PITPNC1: variants seen among roughly 807,000 people sequenced by gnomAD.
The protein encoded by PITPNC1 is cytoplasmic phosphatidylinositol transfer protein 1.
Under a neutral mutation model 44.7 loss-of-function variants are expected in PITPNC1, and 18 were observed. That is an observed-to-expected ratio of 0.40 (90% CI 0.28 to 0.60). PITPNC1 has a LOEUF of 0.60. Ranked by LOEUF, PITPNC1 falls within the 20% of genes least tolerant of loss-of-function variation. The probability of loss-of-function intolerance (pLI) is 0.39; values close to 1 mark genes in which losing one functional copy is unlikely to be tolerated. For synonymous variants in PITPNC1, 141 were observed against 149.6 expected, an observed-to-expected ratio of 0.94 and a Z score of 0.42; for missense variants, 290 against 418.4, an observed-to-expected ratio of 0.69 and a Z score of 2.68.
Position 67,506,320 on chromosome 17 carries a change from A to G in PITPNC1, c.49-26482A>G, listed in dbSNP as rs147635718. Among the ~76,000 whole-genome samples the G allele has an allele frequency of 9.1e-3, 1,385 of 152,338 alleles. 28 individuals carry two copies. Among genetic ancestry groups the G allele is most frequent in the South Asian group, 0.029 (141 of 4,826 alleles). On this transcript the variant is annotated intron_variant, in intron 1 of 8. Transcript: ENST00000581322. ...AGATGATACTAATGTTCCTGAATATACAATCTCCCTTTAGATTTAAGATAT... is the reference window on the plus strand; with the variant it reads ...AGATGATACTAATGTTCCTGAATATGCAATCTCCCTTTAGATTTAAGATAT...
chr17:67,644,592 G>A (rs925978534), intron 6 of PITPNC1, among the ~76,000 whole-genome samples: 4 of 151,910 alleles, frequency 2.6e-5, no homozygotes, highest in African/African-American at 7.3e-5. Flanking sequence ...ACGCCACCAC[G>A]CCCAGCTAAT....
intron 5 of PITPNC1, among the ~76,000 whole-genome samples, chr17:67,607,729 T>A (rs1366305358): frequency 6.7e-6 from 1 of 149,046 alleles, no homozygotes; most frequent in Non-Finnish European, 1.5e-5. Context: ...TTTTTTTTCT[T>A]TCTTTTTTTT....
intron 1 of PITPNC1, among the ~76,000 whole-genome samples, chr17:67,450,269 T>G (rs1281098220): frequency 6.6e-6 from 1 of 151,992 alleles, no homozygotes; most frequent in Admixed American, 6.6e-5. Flanking sequence ...TGCTATCAAT[T>G]AGAGACAGTT....
intron 1 of PITPNC1, among the ~76,000 whole-genome samples, chr17:67,468,805 T>C (rs957438598): frequency 4.6e-5 from 7 of 151,796 alleles, no homozygotes; most frequent in Non-Finnish European, 8.8e-5. Flanking sequence ...CAAGCGATTC[T>C]CCTGCCTCCA....
intron 6 of PITPNC1, among the ~76,000 whole-genome samples, chr17:67,657,902 G>A (rs185428352): frequency 6.6e-5 from 10 of 152,300 alleles, no homozygotes; most frequent in East Asian, 1.9e-4. Context: ...TTTTAATACC[G>A]TGAAGTCTTG....
At chr17:67,578,525 G>T (rs935266027) in intron 5 of PITPNC1, among the ~76,000 whole-genome samples, 5 of 152,354 alleles carry the variant, frequency 3.3e-5, no homozygotes, top group African/African-American at 1.2e-4. Flanking sequence ...TCATGGAGGT[G>T]GAGAGGATGA....
chr17:67,428,749 G>A (rs1240112877), intron 1 of PITPNC1, among the ~76,000 whole-genome samples: 1 of 150,908 alleles, frequency 6.6e-6, no homozygotes, highest in Non-Finnish European at 1.5e-5. Flanking sequence ...CAGTAAGTAC[G>A]TTATACATCC....
intron 1 of PITPNC1, among the ~76,000 whole-genome samples, chr17:67,465,060 C>T (rs2143984390): frequency 6.6e-6 from 1 of 152,312 alleles, no homozygotes; most frequent in South Asian, 2.1e-4. Context: ...TTTTAATTGA[C>T]TGTGCCCCAG....
intron 6 of PITPNC1, among the ~76,000 whole-genome samples, chr17:67,652,427 A>G (rs1015169318): frequency 2.6e-5 from 4 of 152,126 alleles, no homozygotes; most frequent in African/African-American, 9.7e-5. Context: ...TATAGAGTGG[A>G]CGCCTTCTAA....
At chr17:67,622,150 G>C (rs892895967) in intron 5 of PITPNC1, among the ~76,000 whole-genome samples, 1 of 151,628 alleles carries the variant, frequency 6.6e-6, no homozygotes, top group Non-Finnish European at 1.5e-5. Flanking sequence ...CCAGCTACTC[G>C]GGAAGCTGAG....
At chr17:67,390,954 G>A (rs182022693) in intron 1 of PITPNC1, among the ~76,000 whole-genome samples, 7 of 152,134 alleles carry the variant, frequency 4.6e-5, no homozygotes, top group Admixed American at 3.9e-4. Context: ...TTGACAAAGG[G>A]GACTCTCTTA....
intron 1 of PITPNC1, among the ~76,000 whole-genome samples, chr17:67,413,653 G>A (rs531846386): frequency 2.0e-5 from 3 of 152,216 alleles, no homozygotes; most frequent in South Asian, 2.1e-4. Context: ...CATGCTGGGT[G>A]ACATGCTTCA....
chr17:67,492,171 T>C (rs1244356207), intron 1 of PITPNC1, among the ~76,000 whole-genome samples: 4 of 152,142 alleles, frequency 2.6e-5, no homozygotes, highest in Admixed American at 2.6e-4. Flanking sequence ...CCCAAGTAAC[T>C]GTAGCAAGTT....
chr17:67,472,504 G>T (rs537998180), intron 1 of PITPNC1, among the ~76,000 whole-genome samples: 1 of 151,510 alleles, frequency 6.6e-6, no homozygotes, highest in Non-Finnish European at 1.5e-5. Context: ...AAAATTAGCC[G>T]GGCGTGGTGG....
intron 1 of PITPNC1, among the ~76,000 whole-genome samples, chr17:67,415,987 G>T (rs1344175495): frequency 2.6e-5 from 4 of 151,614 alleles, no homozygotes; most frequent in Non-Finnish European, 5.9e-5. Context: ...ATTCTTCTTT[G>T]TTCGTTAGGT....
rs1335546833 is a variant in PITPNC1 at position 67,693,126 on chromosome 17, C to T, written c.*238C>T. On this transcript the variant is annotated 3_prime_UTR_variant, in exon 9 of 9. Transcript: ENST00000581322. ...GGACAGAAGGAATCTTCTGTAACCA[C>T]ATAGCTGTATGCCAGAGAGGAAGCC... 2.2e-6 allele frequency: 1 copy of T among 462,426 alleles called. No homozygotes were observed. Among genetic ancestry groups the T allele is most frequent in the East Asian group, 3.6e-5 (1 of 27,742 alleles). The allele number at this position is 462,426 out of a possible 1,614,324, so 28.6% of individuals were successfully genotyped here. A position where few individuals can be genotyped will look rare whatever the true frequency, so the allele number is the denominator to read the frequency against.
At chr17:67,530,709 A>AT (rs1309358501) in intron 1 of PITPNC1, among the ~76,000 whole-genome samples, 1 of 152,118 alleles carries the variant, frequency 6.6e-6, no homozygotes. Context: ...GTAAACATTT[A>AT]TTTTTTGAGC....
rs186281094 is a variant in PITPNC1 at position 67,432,656 on chromosome 17, T to C, written c.48+54454T>C. On this transcript the variant is annotated intron_variant, in intron 1 of 8. Coordinates refer to ENST00000581322, the MANE Select transcript of PITPNC1 (RefSeq NM_012417.4). ...GTCCTCTTATTCAAAGGGTTGGACA[T>C]GGCTGTTTCAGTAACTTCATTACAG... 1.3e-3 allele frequency among the ~76,000 whole-genome samples: 193 copies of C among 152,356 alleles called. 1 individual carries two copies. The highest frequency in any genetic ancestry group is 6.0e-3 in the East Asian group (31 of 5,194).
intron 5 of PITPNC1, among the ~76,000 whole-genome samples, chr17:67,588,735 T>C (rs115312713): frequency 0.014 from 2,120 of 152,264 alleles, 53 homozygotes; most frequent in African/African-American, 0.049. Flanking sequence ...ACAACATAGA[T>C]GGATGGATGT....
Sources: allele counts gnomAD v4.1 joint callset (sites outside exome capture counted in the v4.1 genomes callset), GRCh38; gene constraint gnomAD v4.1.1; transcripts MANE v1.5; gene names NCBI Gene and HGNC (gene_info 2026-07-23, HGNC 2026-07-21).